The following RUFY4 variants were observed in gnomAD, a reference collection of about 807,000 sequenced individuals.
RUFY4 encodes RUN and FYVE domain-containing protein 4.
A neutral mutation model predicts 69.0 loss-of-function variants in RUFY4; 73 were observed. That is an observed-to-expected ratio of 1.06 (90% confidence interval 0.88 to 1.29). The LOEUF is 1.29. Among genes scored for constraint, RUFY4 ranks in the 50% most tolerant of loss-of-function variants. The probability of loss-of-function intolerance (pLI) is 0.00; values close to 1 mark genes in which losing one functional copy is unlikely to be tolerated. For missense variants in RUFY4, 770 were observed against 705.6 expected, an observed-to-expected ratio of 1.09 and a Z score of -1.03; for synonymous variants, 287 against 271.8, an observed-to-expected ratio of 1.06 and a Z score of -0.55.
intron 3 of RUFY4, among the ~76,000 whole-genome samples, chr2:218,062,553 T>A (rs539764336): frequency 2.0e-5 from 3 of 151,264 alleles, no homozygotes; most frequent in African/African-American, 7.3e-5. Flanking sequence ...TCTACTAAAC[T>A]ACAAAAAATT....
intron 2 of RUFY4, among the ~76,000 whole-genome samples, chr2:218,051,587 A>AAAAAAAAAC (rs1688945114): frequency 1.4e-5 from 2 of 141,652 alleles, no homozygotes; most frequent in African/African-American, 5.0e-5. Context: ...AAAAAAAAAA[A>AAAAAAAAAC]ACACAGAAAA....
chr2:218,070,690 G>A (rs1171122412), intron 1 of RUFY4, 39 bp downstream of exon 3: 20 of 1,536,398 alleles, frequency 1.3e-5, no homozygotes, highest in Middle Eastern at 3.3e-4. Context: ...ACTGAGTCAT[G>A]GGAGAAGTCA....
chr2:218,079,999 G>A (rs1050633867), intron 8 of RUFY4, among the ~76,000 whole-genome samples: 2 of 152,212 alleles, frequency 1.3e-5, no homozygotes, highest in African/African-American at 4.8e-5. Flanking sequence ...CCTCTCTGAG[G>A]TGACATTTGA....
chr2:218,048,305 G>T (rs920182884), intron 2 of RUFY4, among the ~76,000 whole-genome samples: 7 of 152,070 alleles, frequency 4.6e-5, no homozygotes, highest in African/African-American at 1.7e-4. Flanking sequence ...TTGTAAATTT[G>T]TTTAAGTTTT....
At chr2:218,053,420 A>G (rs1264663468) in intron 2 of RUFY4, among the ~76,000 whole-genome samples, 3 of 149,064 alleles carry the variant, frequency 2.0e-5, no homozygotes, top group Non-Finnish European at 4.4e-5. Flanking sequence ...AACATGGCTC[A>G]CTGAAGCCTC....
At chr2:218,065,248 A>C (rs1689296331), upstream of RUFY4, among the ~76,000 whole-genome samples, 1 of 152,050 alleles carries the variant, frequency 6.6e-6, no homozygotes, top group African/African-American at 2.4e-5. Flanking sequence ...CATCAGAGTC[A>C]GAGTAGGAGA....
intron 3 of RUFY4, chr2:218,060,803 G>C (rs149209947): frequency 0.02 from 32,180 of 1,582,638 alleles, 463 homozygotes; most frequent in Non-Finnish European, 0.024. Flanking sequence ...GCATCCACCA[G>C]TTTGCTGTAT....
At chr2:218,086,511 G>T (rs1433453944) in intron 9 of RUFY4, among the ~76,000 whole-genome samples, 1 of 152,196 alleles carries the variant, frequency 6.6e-6, no homozygotes, top group Non-Finnish European at 1.5e-5. Flanking sequence ...AGTCTATGGT[G>T]CAATTCTTTT....
chr2:218,075,775 C>T (rs748124755), intron 7 of RUFY4, 35 bp downstream of exon 9: 1 of 1,375,336 alleles, frequency 7.3e-7, no homozygotes, highest in South Asian at 2.4e-5. Flanking sequence ...TGGTTATTTG[C>T]CCCTGTCTGA....
intron 6 of RUFY4, 145 bp downstream of exon 8, chr2:218,074,030 A>G: frequency 2.5e-6 from 2 of 809,912 alleles, no homozygotes; most frequent in Non-Finnish European, 4.2e-6. Context: ...CAGTGTGTGG[A>G]GCAGGGGACT....
chr2:218,072,514 G>A lies in RUFY4; in HGVS notation c.279+15G>A. 2 of 1,536,256 alleles carry A rather than the reference G, an allele frequency of 1.3e-6. No individual in the cohort carries two copies. The highest frequency in any genetic ancestry group is 1.4e-5 in the African/African-American group (1 of 73,112). Reference sequence around the variant, plus strand: ...CCCAGGACAAGGTATCCAGGGCCAGGCAGCAAGAAGGCTGACGGGGTGGGG... The same window carrying A: ...CCCAGGACAAGGTATCCAGGGCCAGACAGCAAGAAGGCTGACGGGGTGGGG... On this transcript the variant is annotated intron_variant, in intron 3 of 10. Coordinates refer to ENST00000344321, the Ensembl canonical transcript of RUFY4.
chr2:218,072,370 C>G lies in RUFY4; in HGVS notation c.154-4C>G, dbSNP rs1559432184. The G allele has an allele frequency of 4.6e-6, 7 of 1,537,184 alleles. No individual in the cohort carries two copies. In the Admixed American group the frequency reaches 7.8e-5, roughly 17 times the overall value. ...ACACTTTCTTTGCCTCATTTTGGTT[C>G]TAGTTTGACCAGAAAGAGCAGAAGA... On this transcript the variant is annotated splice_polypyrimidine_tract_variant and splice_region_variant and intron_variant, in intron 2 of 10. Transcript: ENST00000344321.
chr2:218,070,964 G>C, intron 2 of RUFY4, 105 bp downstream of exon 4: 1 of 799,344 alleles, frequency 1.3e-6, no homozygotes, highest in Non-Finnish European at 2.0e-6. Flanking sequence ...TCCTTACCAT[G>C]CACTGTGTCA....
chr2:218,056,369 T>C lies in RUFY4; in HGVS notation c.-1157-2226T>C, dbSNP rs545516572. 3.3e-5 allele frequency among the ~76,000 whole-genome samples: 5 copies of C among 152,138 alleles called. No homozygotes were observed. The South Asian group carries it at 1.0e-3, about 32-fold the overall frequency. Reference sequence around the variant, plus strand: ...GCTGATGCCTGCCAGAATAATCAGATAGAACTTGATGCTAAACTCCAGGCA... The same window carrying C: ...GCTGATGCCTGCCAGAATAATCAGACAGAACTTGATGCTAAACTCCAGGCA... On this transcript the variant is annotated intron_variant and NMD_transcript_variant, in intron 2 of 13. Coordinates refer to the RUFY4 transcript ENST00000457754.
chr2:218,056,539 C>T (rs186177118), intron 2 of RUFY4, among the ~76,000 whole-genome samples: 226 of 152,226 alleles, frequency 1.5e-3, no homozygotes, highest in Admixed American at 4.7e-3. Flanking sequence ...ACAATAAAGC[C>T]TAACTTCAAG....
chr2:218,049,274 G>C (rs1259469648), intron 2 of RUFY4, among the ~76,000 whole-genome samples: 2 of 152,186 alleles, frequency 1.3e-5, no homozygotes, highest in African/African-American at 4.8e-5. Flanking sequence ...CAGCTCACTT[G>C]TGGATCATGT....
chr2:218,038,709 T>C (rs1959016562), intron 2 of RUFY4, among the ~76,000 whole-genome samples: 1 of 152,192 alleles, frequency 6.6e-6, no homozygotes, highest in African/African-American at 2.4e-5. Flanking sequence ...ATTTTACACA[T>C]AACATTTGCT....
At chr2:218,077,250 T>C (rs1689656148) in intron 8 of RUFY4, among the ~76,000 whole-genome samples, 1 of 149,314 alleles carries the variant, frequency 6.7e-6, no homozygotes, top group Non-Finnish European at 1.5e-5. Flanking sequence ...TTTCTCCTGC[T>C]CAGTGTCTCT....
Position 218,070,609 on chromosome 2 carries a change from G to A in RUFY4, c.4G>A (p.Ala2Thr), listed in dbSNP as rs111810509. 100 of 1,537,558 alleles carry A rather than the reference G, an allele frequency of 6.5e-5. No homozygotes were observed. The African/African-American group carries it at 9.8e-4, about 15-fold the overall frequency. The change falls in exon 1 of 11, where the codon GCA becomes ACA. Residue 2 changes from alanine to threonine, a missense_variant. Coordinates refer to ENST00000344321, the Ensembl canonical transcript of RUFY4. ...ATCACATCATTTCCAAGTACCCATG[G>A]CAGAAGAGGGAGCCATCCTCAAGGT... is the stretch of plus-strand genomic sequence containing the variant.
Sources: allele counts gnomAD v4.1 joint callset (sites outside exome capture counted in the v4.1 genomes callset), GRCh38; gene constraint gnomAD v4.1.1; transcripts MANE v1.5; gene names NCBI Gene and HGNC (gene_info 2026-07-23, HGNC 2026-07-21).